The following DCC variants were observed in gnomAD, a reference collection of about 807,000 sequenced individuals.
DCC encodes netrin receptor DCC.
A neutral mutation model predicts 172.5 loss-of-function variants in DCC; 58 were observed. The observed-to-expected ratio is 0.34, with a 90% CI of 0.27 to 0.42. The LOEUF (loss-of-function observed/expected upper bound fraction) is 0.42. Ranked by LOEUF, DCC falls within the 10% of genes least tolerant of loss-of-function variation. DCC has a pLI of 1.00. For missense variants in DCC, 1,740 were observed against 1,791.0 expected, an observed-to-expected ratio of 0.97 and a Z score of 0.51; for synonymous variants, 709 against 644.5, an observed-to-expected ratio of 1.10 and a Z score of -1.52.
intron 2 of DCC, among the ~76,000 whole-genome samples, chr18:52,776,106 C>T (rs28710315): frequency 0.087 from 13,254 of 152,176 alleles, 668 homozygotes; most frequent in South Asian, 0.18. Flanking sequence ...AAATTTACAA[C>T]AGTATCACCA....
chr18:52,996,853 T>A (rs2041489842), intron 5 of DCC, among the ~76,000 whole-genome samples: 3 of 149,748 alleles, frequency 2.0e-5, no homozygotes, highest in Non-Finnish European at 4.4e-5. Flanking sequence ...TCTATCTCTT[T>A]CCCTACCCTG....
chr18:53,423,026 T>C (rs1910719323), intron 21 of DCC, among the ~76,000 whole-genome samples: 1 of 152,106 alleles, frequency 6.6e-6, no homozygotes, highest in Non-Finnish European at 1.5e-5. Context: ...CTTATCATGT[T>C]CCCAGCAAGC....
intron 26 of DCC, among the ~76,000 whole-genome samples, chr18:53,487,194 G>A (rs1599207224): frequency 6.6e-6 from 1 of 152,232 alleles, no homozygotes; most frequent in East Asian, 1.9e-4. Context: ...AAGTGGTGGG[G>A]AAACAAATGT....
At chr18:52,716,801 G>A (rs2036391367) in intron 1 of DCC, among the ~76,000 whole-genome samples, 1 of 152,214 alleles carries the variant, frequency 6.6e-6, no homozygotes, top group Middle Eastern at 3.4e-3. Flanking sequence ...CAGTTTCTCT[G>A]AGCATTCTAC....
chr18:53,423,662 T>A (rs1211436700), intron 21 of DCC, among the ~76,000 whole-genome samples: 1 of 152,232 alleles, frequency 6.6e-6, no homozygotes, highest in East Asian at 1.9e-4. Context: ...TTCACCTGTA[T>A]TTTCATAACA....
intron 1 of DCC, among the ~76,000 whole-genome samples, chr18:52,685,850 G>A (rs1420581874): frequency 6.6e-6 from 1 of 152,080 alleles, no homozygotes; most frequent in East Asian, 1.9e-4. Context: ...CTACTCCTGG[G>A]AAGAGATAAG....
chr18:52,524,292 T>C (rs1211807393), intron 1 of DCC, among the ~76,000 whole-genome samples: 1 of 152,216 alleles, frequency 6.6e-6, no homozygotes, highest in Non-Finnish European at 1.5e-5. Context: ...AACACATTGG[T>C]TTGTAAATAA....
chr18:53,100,490 A>G (rs933414688), intron 7 of DCC, among the ~76,000 whole-genome samples: 3 of 152,084 alleles, frequency 2.0e-5, no homozygotes, highest in Non-Finnish European at 4.4e-5. Flanking sequence ...CAGAGAAAAG[A>G]GAGAGACAGA....
intron 14 of DCC, among the ~76,000 whole-genome samples, chr18:53,333,237 G>A (rs2057552016): frequency 6.6e-6 from 1 of 152,204 alleles, no homozygotes; most frequent in Admixed American, 6.5e-5. Context: ...ATGTCCTTTG[G>A]TGAGAACAGG....
rs1299310534 is a variant in DCC at position 53,063,793 on chromosome 18, A to G, written c.1140+334A>G. Among the ~76,000 whole-genome samples the G allele has an allele frequency of 2.0e-5, 3 of 152,222 alleles. No homozygotes were observed. The East Asian group carries it at 5.8e-4, about 29-fold the overall frequency. ...CAAAGAGAGTTTAGAACCTAGTTCT[A>G]GACTTAAGCCAAGAATCCCTTACTT... On this transcript the variant is annotated intron_variant, in intron 6 of 28. Coordinates refer to ENST00000442544, the MANE Select transcript of DCC (RefSeq NM_005215.4).
chr18:53,531,418 A>C lies in DCC; in HGVS notation c.*765A>C, dbSNP rs1292601212. ...GATATAATATGCAATCTTCTCAGAC[A>C]CATGGTAATTATATGCTTAAGCTTG... On this transcript the variant is annotated 3_prime_UTR_variant, in exon 29 of 29. Coordinates refer to ENST00000442544, the MANE Select transcript of DCC (RefSeq NM_005215.4). The C allele has an allele frequency of 6.5e-6, 1 of 154,118 alleles. No individual in the cohort carries two copies. Among genetic ancestry groups the C allele is most frequent in the Non-Finnish European group, 1.4e-5 (1 of 69,050 alleles). 9.5% of individuals were successfully genotyped at this position (154,118 alleles called of 1,614,324 possible). A position where few individuals can be genotyped will look rare whatever the true frequency, so the allele number is the denominator to read the frequency against.
At chr18:52,392,723 T>C (rs892794592) in intron 1 of DCC, among the ~76,000 whole-genome samples, 2 of 152,080 alleles carry the variant, frequency 1.3e-5, no homozygotes, top group Non-Finnish European at 2.9e-5. Flanking sequence ...TTATTTACTT[T>C]GGTGTGTTCC....
intron 25 of DCC, among the ~76,000 whole-genome samples, chr18:53,485,467 A>C (rs978120088): frequency 6.6e-6 from 1 of 152,080 alleles, no homozygotes; most frequent in African/African-American, 2.4e-5. Context: ...TTTATCTTTA[A>C]ATGATTTATA....
intron 1 of DCC, among the ~76,000 whole-genome samples, chr18:52,407,966 C>T (rs1986710208): frequency 6.6e-6 from 1 of 152,044 alleles, no homozygotes; most frequent in African/African-American, 2.4e-5. Flanking sequence ...GATTTTCATT[C>T]TCTTAGTTTA....
intron 8 of DCC, among the ~76,000 whole-genome samples, chr18:53,169,063 C>G (rs1168065617): frequency 6.6e-6 from 1 of 152,164 alleles, no homozygotes; most frequent in Non-Finnish European, 1.5e-5. Context: ...GGGACCAGTT[C>G]TAGGCACAGG....
rs3086379 is a variant in DCC at position 52,546,659 on chromosome 18, TATC to T, written c.92-205364_92-205362del. On this transcript the variant is annotated intron_variant, in intron 1 of 28. Coordinates refer to ENST00000442544, the MANE Select transcript of DCC (RefSeq NM_005215.4). ...TTATATAGAATGTGATCAATAATAA[TATC>T]ATCATCATCATCATCATCATCATCA... 6.9e-3 allele frequency among the ~76,000 whole-genome samples: 1,037 copies of T among 150,284 alleles called. 3 individuals carry two copies. The highest frequency in any genetic ancestry group is 0.018 in the African/African-American group (753 of 40,846).
intron 1 of DCC, among the ~76,000 whole-genome samples, chr18:52,613,759 T>G (rs915071995): frequency 6.6e-6 from 1 of 152,176 alleles, no homozygotes; most frequent in African/African-American, 2.4e-5. Context: ...TTTGTTATAG[T>G]GGTGAACTTT....
intron 12 of DCC, among the ~76,000 whole-genome samples, chr18:53,231,904 T>C (rs1417884418): frequency 6.6e-6 from 1 of 152,136 alleles, no homozygotes; most frequent in Non-Finnish European, 1.5e-5. Context: ...CTGATAAAAG[T>C]CTGATTTTCC....
At chr18:52,501,966 G>A (rs986166195) in intron 1 of DCC, among the ~76,000 whole-genome samples, 4 of 152,136 alleles carry the variant, frequency 2.6e-5, no homozygotes, top group East Asian at 1.9e-4. Context: ...CCCACAGTTC[G>A]TAAATGAGAA....
Sources: allele counts gnomAD v4.1 joint callset (sites outside exome capture counted in the v4.1 genomes callset), GRCh38; gene constraint gnomAD v4.1.1; transcripts MANE v1.5; gene names NCBI Gene and HGNC (gene_info 2026-07-23, HGNC 2026-07-21).